The following SNX32 variants were observed in gnomAD, a reference collection of about 807,000 sequenced individuals.
The protein encoded by SNX32 is sorting nexin-32.
Under a neutral mutation model 57.0 loss-of-function variants are expected in SNX32, and 58 were observed. The ratio of observed to expected loss-of-function variants is 1.02; its 90% CI spans 0.82 to 1.27. The LOEUF (loss-of-function observed/expected upper bound fraction) is 1.27. SNX32 is among the 50% of genes most tolerant of loss of function. SNX32 has a pLI of 0.00. For missense variants in SNX32, 589 were observed against 541.2 expected (o/e 1.09, Z -0.88); for synonymous variants, 262 against 220.4 (o/e 1.19, Z -1.67).
Position 65,850,325 on chromosome 11 carries a change from CTA to C in SNX32, c.374+56_374+57del, listed in dbSNP as rs765605587. On this transcript the variant is annotated intron_variant, in intron 4 of 12. Coordinates refer to ENST00000308342, the MANE Select transcript of SNX32 (RefSeq NM_152760.3). ...CCCAGAGTCCAGATGTCTTCCCCAG[CTA>C]TCTCCCCATGAATGTTTAGCAACCC... is the stretch of plus-strand genomic sequence containing the variant. 2.5e-6 allele frequency: 4 copies of C among 1,613,960 alleles called. No individual in the cohort carries two copies. In the Admixed American group the frequency reaches 6.7e-5, roughly 27 times the overall value.
intron 1 of SNX32, among the ~76,000 whole-genome samples, chr11:65,838,469 C>G (rs999985236): frequency 6.6e-5 from 10 of 152,168 alleles, no homozygotes; most frequent in Admixed American, 5.9e-4. Flanking sequence ...AAGTGATCCT[C>G]CCACCTCAGC....
rs898641704 is a variant in SNX32, at chr11:65,834,030, G to T, written c.-36G>T. On this transcript the variant is annotated 5_prime_UTR_variant, in exon 1 of 13. Transcript: ENST00000308342. Reference sequence around the variant, plus strand: ...TTACGGGGACGACCTGCGGGAGCACGCGGGCAGTGGCCGGACGCTGAAGCC... The same window carrying T: ...TTACGGGGACGACCTGCGGGAGCACTCGGGCAGTGGCCGGACGCTGAAGCC... 2.5e-5 allele frequency: 39 copies of T among 1,548,190 alleles called. No homozygotes were observed. Among genetic ancestry groups the T allele is most frequent in the Non-Finnish European group, 3.3e-5 (38 of 1,145,300 alleles).
chr11:65,834,120 C>A lies in SNX32; in HGVS notation c.36+19C>A, dbSNP rs1858581156. On this transcript the variant is annotated intron_variant, in intron 1 of 12. Coordinates refer to ENST00000308342, the MANE Select transcript of SNX32 (RefSeq NM_152760.3). The stretch of plus-strand genomic sequence containing the variant: ...GGGCAAGGTAGAGAAAGGATGAAGA[C>A]CCCCACCCCAGCCTCCCCTCACTCC... 2.6e-6 allele frequency: 4 copies of A among 1,550,236 alleles called. No homozygotes were observed. The highest frequency in any genetic ancestry group is 2.0e-5 in the Admixed American group (1 of 50,868).
chr11:65,849,631 A>C (rs1212903802), intron 2 of SNX32, 49 bp downstream of exon 2: 1 of 1,405,398 alleles, frequency 7.1e-7, no homozygotes, highest in South Asian at 1.2e-5. Flanking sequence ...TGCCCGCAGG[A>C]GGCCTCCCCC....
At chr11:65,841,613 A>G (rs1858843754) in intron 1 of SNX32, among the ~76,000 whole-genome samples, 1 of 152,054 alleles carries the variant, frequency 6.6e-6, no homozygotes, top group South Asian at 2.1e-4. Context: ...GGGCGCCTAT[A>G]ATCCCAGCTG....
chr11:65,850,835 A>C lies in SNX32; in HGVS notation c.583A>C (p.Thr195Pro), dbSNP rs1458067136. The C allele has an allele frequency of 5.6e-6, 9 of 1,613,860 alleles. No individual in the cohort carries two copies. Among genetic ancestry groups the C allele is most frequent in the Non-Finnish European group, 7.6e-6 (9 of 1,179,858 alleles). Residue 195 changes from threonine (T) to proline (P), a missense_variant, in exon 6 of 13, where the codon ACG becomes CCG. Transcript: ENST00000308342. Reference sequence around the variant, plus strand: ...GAAGTCCGCGGATGAAGCCCTCATCACGGGCATGTCAGGGCTCAAGGTAAC... The same window carrying C: ...GAAGTCCGCGGATGAAGCCCTCATCCCGGGCATGTCAGGGCTCAAGGTAAC... ...IVKSADEALITGMSGLKEVDD... is the reference protein window; with the variant it reads ...IVKSADEALIPGMSGLKEVDD...
intron 1 of SNX32, among the ~76,000 whole-genome samples, chr11:65,837,607 G>A: frequency 6.6e-6 from 1 of 152,032 alleles, no homozygotes; most frequent in Non-Finnish European, 1.5e-5. Flanking sequence ...ATCACTTGAG[G>A]TCAGGAGTTC....
chr11:65,837,817 C>CAAAA (rs774242704), intron 1 of SNX32, among the ~76,000 whole-genome samples: 1,041 of 71,056 alleles, frequency 0.015, 62 homozygotes, highest in African/African-American at 0.019. Context: ...AAGACTCTCT[C>CAAAA]AAAAAAAAAA....
At chr11:65,834,861 T>A (rs1858620483) in intron 1 of SNX32, among the ~76,000 whole-genome samples, 1 of 151,540 alleles carries the variant, frequency 6.6e-6, no homozygotes, top group African/African-American at 2.4e-5. Flanking sequence ...TGTGTGTGTG[T>A]TTGCATGTGT....
intron 1 of SNX32, among the ~76,000 whole-genome samples, chr11:65,843,441 C>T (rs1157457429): frequency 6.6e-6 from 1 of 151,576 alleles, no homozygotes; most frequent in Non-Finnish European, 1.5e-5. Context: ...TTGTGGCGGG[C>T]ACCTGTAATT....
chr11:65,850,960 C>A, intron 6 of SNX32, 95 bp from the exon 7 acceptor site: 1 of 1,497,172 alleles, frequency 6.7e-7, no homozygotes, highest in African/African-American at 1.4e-5. Context: ...TGGGGCCTGG[C>A]CTGGTTTGGA....
rs754616100 is a variant in SNX32, at chr11:65,851,412, TC to T, written c.785+15del. The T allele has an allele frequency of 6.2e-7, 1 of 1,613,478 alleles. No homozygotes were observed. The highest frequency in any genetic ancestry group is 8.5e-7 in the Non-Finnish European group (1 of 1,179,706). ...GTCAACCAGCTAAGGACGTGAGGAC[TC>T]CCCCCACCCCTACCCTCTCCCTGTG... On this transcript the variant is annotated intron_variant, in intron 8 of 12. Coordinates refer to ENST00000308342, the MANE Select transcript of SNX32 (RefSeq NM_152760.3).
At chr11:65,851,888 CATGCACATGT>C (rs1014509622) in intron 9 of SNX32, among the ~76,000 whole-genome samples, 3 of 152,222 alleles carry the variant, frequency 2.0e-5, no homozygotes, top group African/African-American at 7.2e-5. Flanking sequence ...GGTGCAGGGG[CATGCACATGT>C]ATGCACGTGT....
rs762539744 is a variant in SNX32 at position 65,852,802 on chromosome 11, C to T, written c.1072+13C>T. 6.2e-7 allele frequency: 1 copy of T among 1,609,700 alleles called. No individual in the cohort carries two copies. Among genetic ancestry groups the T allele is most frequent in the South Asian group, 1.1e-5 (1 of 90,974 alleles). ...TCCGCCAAGCAAGGTGAGCCCGCAG[C>T]CCCCAGCCCCAGCCTGGGGCCACAT... On this transcript the variant is annotated intron_variant, in intron 11 of 12. Transcript: ENST00000308342.
chr11:65,853,430 G>A lies in SNX32; in HGVS notation c.*95G>A. The A allele has an allele frequency of 1.6e-6, 2 of 1,274,436 alleles. No individual in the cohort carries two copies. Among genetic ancestry groups the A allele is most frequent in the East Asian group, 4.6e-5 (2 of 43,140 alleles). The allele number at this position is 1,274,436 out of a possible 1,614,324, so 78.9% of individuals were successfully genotyped here. A position where few individuals can be genotyped will look rare whatever the true frequency, so the allele number is the denominator to read the frequency against. On this transcript the variant is annotated 3_prime_UTR_variant, in exon 13 of 13. Coordinates refer to ENST00000308342, the MANE Select transcript of SNX32 (RefSeq NM_152760.3). The stretch of plus-strand genomic sequence containing the variant: ...CGGCAAGATGTCTCCTTCCCTAGCA[G>A]TGCCACTAGCCACACCCTCACTCTG...
Position 65,834,106 on chromosome 11 carries a change from A to G in SNX32, c.36+5A>G. 3 of 1,551,192 alleles carry G rather than the reference A, an allele frequency of 1.9e-6. No individual in the cohort carries two copies. The highest frequency in any genetic ancestry group is 2.6e-6 in the Non-Finnish European group (3 of 1,146,748). On this transcript the variant is annotated splice_donor_5th_base_variant and intron_variant, in intron 1 of 12. Coordinates refer to ENST00000308342, the MANE Select transcript of SNX32 (RefSeq NM_152760.3). ...GAGGTTGGGAAGGAGGGCAAGGTAG[A>G]GAAAGGATGAAGACCCCCACCCCAG... is the stretch of plus-strand genomic sequence containing the variant.
chr11:65,839,732 C>CAAAAA (rs139892606), intron 1 of SNX32, among the ~76,000 whole-genome samples: 1 of 120,492 alleles, frequency 8.3e-6, no homozygotes. Flanking sequence ...GACCCTGTCC[C>CAAAAA]AAAAAAAAAA....
At chr11:65,846,168 G>C (rs1211182224) in intron 1 of SNX32, among the ~76,000 whole-genome samples, 1 of 152,204 alleles carries the variant, frequency 6.6e-6, no homozygotes, top group Non-Finnish European at 1.5e-5. Flanking sequence ...CTACTTGGGA[G>C]GCTGAAGCAG....
At position 65,853,414 on chromosome 11, in the gene SNX32, G is replaced by A. The variant is rs1449054081; in HGVS notation, c.*79G>A. 6.9e-7 allele frequency: 1 copy of A among 1,444,168 alleles called. No homozygotes were observed. The highest frequency in any genetic ancestry group is 9.7e-7 in the Non-Finnish European group (1 of 1,029,384). 89.5% of individuals were successfully genotyped at this position (1,444,168 alleles called of 1,614,324 possible). ...CCCAGACCCCTCTCTCCGGCAAGATGTCTCCTTCCCTAGCAGTGCCACTAG... is the reference window on the plus strand; with the variant it reads ...CCCAGACCCCTCTCTCCGGCAAGATATCTCCTTCCCTAGCAGTGCCACTAG... On this transcript the variant is annotated 3_prime_UTR_variant, in exon 13 of 13. Transcript: ENST00000308342.
Sources: allele counts gnomAD v4.1 joint callset (sites outside exome capture counted in the v4.1 genomes callset), GRCh38; gene constraint gnomAD v4.1.1; transcripts MANE v1.5; gene names NCBI Gene and HGNC (gene_info 2026-07-23, HGNC 2026-07-21).